MALRD1: variants seen among roughly 807,000 people sequenced by gnomAD.
MALRD1 encodes MAM and LDL receptor class A domain containing 1, also known as MAM and LDL-receptor class A domain-containing protein 1.
MALRD1 carries 247 observed loss-of-function variants against 242.1 expected under a neutral mutation model. The ratio of observed to expected loss-of-function variants is 1.02; its 90% CI spans 0.92 to 1.13. The LOEUF is 1.13. Ranked by LOEUF, MALRD1 falls within the 50% of genes most tolerant of loss-of-function variation. The pLI, the probability that MALRD1 is intolerant of heterozygous loss-of-function variation, is 0.00. For missense variants in MALRD1, 2,989 were observed against 2,533.1 expected (o/e 1.18, Z -3.86); for synonymous variants, 995 against 866.6 (o/e 1.15, Z -2.60).
At chr10:19,395,855 TCTA>T (rs1364914444) in intron 28 of MALRD1, among the ~76,000 whole-genome samples, 5 of 152,204 alleles carry the variant, frequency 3.3e-5, no homozygotes, top group Admixed American at 1.3e-4. Context: ...TTTCAGTGTC[TCTA>T]CTATTTCCAA....
At chr10:19,725,313 A>G (rs1210334644) in intron 38 of MALRD1, among the ~76,000 whole-genome samples, 2 of 152,122 alleles carry the variant, frequency 1.3e-5, no homozygotes, top group African/African-American at 4.8e-5. Flanking sequence ...GTAAGTTCTC[A>G]CAAGGTCTGA....
intron 18 of MALRD1, among the ~76,000 whole-genome samples, chr10:19,257,205 G>A (rs991894061): frequency 6.6e-6 from 1 of 152,108 alleles, no homozygotes; most frequent in Non-Finnish European, 1.5e-5. Flanking sequence ...TCAGTGTCAT[G>A]TGAGAAACAT....
chr10:19,599,416 T>A (rs192500137), intron 34 of MALRD1, among the ~76,000 whole-genome samples: 188 of 151,884 alleles, frequency 1.2e-3, no homozygotes, highest in African/African-American at 4.3e-3. Flanking sequence ...ATAGTTTTTA[T>A]CAAACATATC....
chr10:19,167,488 T>C (rs1482516351), intron 13 of MALRD1, among the ~76,000 whole-genome samples: 1 of 152,164 alleles, frequency 6.6e-6, no homozygotes, highest in African/African-American at 2.4e-5. Context: ...TCTGAACAAA[T>C]TGAGATAAAT....
chr10:19,151,538 G>A (rs1367829058), intron 11 of MALRD1, among the ~76,000 whole-genome samples: 6 of 151,838 alleles, frequency 4.0e-5, no homozygotes, highest in African/African-American at 9.7e-5. Flanking sequence ...GTTGTTTTAT[G>A]TACTGGACAG....
chr10:19,480,698 C>T (rs16918838), intron 29 of MALRD1, among the ~76,000 whole-genome samples: 3,639 of 152,270 alleles, frequency 0.024, 170 homozygotes, highest in African/African-American at 0.083. Context: ...ATCACTGAAG[C>T]ACTGAAAATG....
At chr10:19,396,947 A>C (rs1846611353) in intron 28 of MALRD1, among the ~76,000 whole-genome samples, 1 of 152,138 alleles carries the variant, frequency 6.6e-6, no homozygotes, top group Non-Finnish European at 1.5e-5. Context: ...ATATAGCTGC[A>C]TTTTATTTTT....
At chr10:19,230,884 T>C (rs1411051533) in intron 18 of MALRD1, among the ~76,000 whole-genome samples, 2 of 152,210 alleles carry the variant, frequency 1.3e-5, no homozygotes, top group Admixed American at 6.5e-5. Context: ...TTTTAATTTC[T>C]TTTGCTTAAC....
chr10:19,555,961 T>C (rs1469769157), intron 32 of MALRD1, among the ~76,000 whole-genome samples: 5 of 152,170 alleles, frequency 3.3e-5, no homozygotes, highest in Non-Finnish European at 7.4e-5. Flanking sequence ...GTGATTATTT[T>C]AATAATTTCT....
intron 35 of MALRD1, among the ~76,000 whole-genome samples, chr10:19,614,034 CA>C (rs1678048619): frequency 6.6e-6 from 1 of 151,978 alleles, no homozygotes; most frequent in Non-Finnish European, 1.5e-5. Flanking sequence ...GCCACACTCA[CA>C]TTTTTTTTTC....
At chr10:19,724,148 A>C (rs1245014003) in intron 38 of MALRD1, among the ~76,000 whole-genome samples, 1 of 152,172 alleles carries the variant, frequency 6.6e-6, no homozygotes, top group East Asian at 1.9e-4. Flanking sequence ...CTATTGTAAC[A>C]GTGTTACTCC....
At chr10:19,186,550 C>T (rs1055488318) in intron 14 of MALRD1, among the ~76,000 whole-genome samples, 1 of 152,094 alleles carries the variant, frequency 6.6e-6, no homozygotes, top group Non-Finnish European at 1.5e-5. Context: ...CTTCTTCCGC[C>T]GTTGAAAATT....
intron 21 of MALRD1, among the ~76,000 whole-genome samples, chr10:19,315,655 T>A (rs1170981290): frequency 3.9e-5 from 5 of 128,510 alleles, no homozygotes; most frequent in East Asian, 2.3e-4. Context: ...TATATAAATA[T>A]TATTTATATG....
chr10:19,189,690 A>G (rs1242457094), intron 14 of MALRD1, among the ~76,000 whole-genome samples: 1 of 152,166 alleles, frequency 6.6e-6, no homozygotes, highest in African/African-American at 2.4e-5. Flanking sequence ...CCACATTAAC[A>G]GAACGAAGGA....
intron 2 of MALRD1, among the ~76,000 whole-genome samples, chr10:19,068,468 C>CCT (rs1339905494): frequency 6.6e-6 from 1 of 151,928 alleles, no homozygotes; most frequent in Non-Finnish European, 1.5e-5. Context: ...GAATCCTAGC[C>CCT]CTGCCAGTCA....
chr10:19,204,395 G>T lies in MALRD1; in HGVS notation c.2192G>T (p.Gly731Val), dbSNP rs1329620904. ...QSPTFSQTGP[G>V]CILSFWFYNY... ...CCAACTTTCAGCCAGACAGGACCTGGATGCATACTTTCCTTCTGGTAAATA... is the reference window on the plus strand; with the variant it reads ...CCAACTTTCAGCCAGACAGGACCTGTATGCATACTTTCCTTCTGGTAAATA... The change falls in exon 16 of 40, where the codon GGA becomes GTA. Residue 731 changes from glycine to valine, a missense_variant. Coordinates refer to ENST00000454679, the MANE Select transcript of MALRD1 (RefSeq NM_001142308.3). 1 of 1,546,618 alleles carries T rather than the reference G, an allele frequency of 6.5e-7. No individual in the cohort carries two copies. The highest frequency in any genetic ancestry group is 1.4e-5 in the African/African-American group (1 of 72,770).
At position 19,689,822 on chromosome 10, in the gene MALRD1, G is replaced by T. The variant is rs1186920582; in HGVS notation, c.6138-2460G>T. 2.6e-5 allele frequency among the ~76,000 whole-genome samples: 4 copies of T among 152,106 alleles called. No individual in the cohort carries two copies. In the South Asian group the frequency reaches 8.3e-4, roughly 32 times the overall value. On this transcript the variant is annotated intron_variant, in intron 36 of 39. Coordinates refer to ENST00000454679, the MANE Select transcript of MALRD1 (RefSeq NM_001142308.3). ...TGTTATGCAGGAGGGGATAATTTGAGAATTTTAGTGTGGAGATTGCAGTTT... is the reference window on the plus strand; with the variant it reads ...TGTTATGCAGGAGGGGATAATTTGATAATTTTAGTGTGGAGATTGCAGTTT...
intron 21 of MALRD1, among the ~76,000 whole-genome samples, chr10:19,316,967 T>C (rs923044319): frequency 6.6e-6 from 1 of 151,696 alleles, no homozygotes; most frequent in African/African-American, 2.4e-5. Flanking sequence ...TAGATACCAA[T>C]TTTTCCATGA....
chr10:19,637,291 C>T (rs1174197263), intron 36 of MALRD1, among the ~76,000 whole-genome samples: 3 of 151,680 alleles, frequency 2.0e-5, no homozygotes, highest in African/African-American at 7.3e-5. Flanking sequence ...ATTTCAGAAA[C>T]AAACAAACAA....
Sources: allele counts gnomAD v4.1 joint callset (sites outside exome capture counted in the v4.1 genomes callset), GRCh38; gene constraint gnomAD v4.1.1; transcripts MANE v1.5; gene names NCBI Gene and HGNC (gene_info 2026-07-23, HGNC 2026-07-21).